The following GPM6A variants were observed in gnomAD, a reference collection of about 807,000 sequenced individuals.
GPM6A encodes the protein neuronal membrane glycoprotein M6-a.
Under a neutral mutation model 32.1 loss-of-function variants are expected in GPM6A, and 7 were observed. That is an observed-to-expected ratio of 0.22 (90% confidence interval 0.12 to 0.41). The LOEUF is 0.41. Among genes scored for constraint, GPM6A ranks in the 10% least tolerant of loss-of-function variants. The probability of loss-of-function intolerance (pLI) is 1.00; values close to 1 mark genes in which losing one functional copy is unlikely to be tolerated. For synonymous variants in GPM6A, 130 were observed against 123.4 expected (o/e 1.05, Z -0.35); for missense variants, 235 against 347.2 (o/e 0.68, Z 2.57).
At chr4:175,637,405 T>C (rs1307304361) in intron 6 of GPM6A, among the ~76,000 whole-genome samples, 1 of 79,960 alleles carries the variant, frequency 1.3e-5, no homozygotes, top group Non-Finnish European at 2.2e-5. Context: ...TATAATATAG[T>C]ATATATATAA....
At chr4:175,722,206 G>C (rs910290376) in intron 1 of GPM6A, among the ~76,000 whole-genome samples, 1 of 151,958 alleles carries the variant, frequency 6.6e-6, no homozygotes, top group African/African-American at 2.4e-5. Flanking sequence ...AGGATCCCTT[G>C]AGCCCAGGTA....
intron 1 of GPM6A, among the ~76,000 whole-genome samples, chr4:175,820,224 C>T (rs1351416329): frequency 6.6e-6 from 1 of 151,484 alleles, no homozygotes; most frequent in African/African-American, 2.4e-5. Context: ...TAAATTAGCT[C>T]TTGAGACCAA....
chr4:175,901,356 A>G (rs1330482492), intron 1 of GPM6A, among the ~76,000 whole-genome samples: 1 of 152,160 alleles, frequency 6.6e-6, no homozygotes, highest in Non-Finnish European at 1.5e-5. Context: ...ATTCTCCATG[A>G]TGTGCTTATT....
At chr4:175,706,191 TAGA>T (rs1156473511) in intron 1 of GPM6A, among the ~76,000 whole-genome samples, 2 of 150,772 alleles carry the variant, frequency 1.3e-5, no homozygotes, top group African/African-American at 4.9e-5. Context: ...TCAAAGAAAA[TAGA>T]AGAAATAGAA....
intron 1 of GPM6A, among the ~76,000 whole-genome samples, chr4:175,888,845 GTAATACGGTAACAT>G (rs1737543859): frequency 6.6e-6 from 1 of 151,966 alleles, no homozygotes; most frequent in Admixed American, 6.5e-5. Flanking sequence ...TCAACATAAA[GTAATACGGTAACAT>G]AAAGATCTAC....
At chr4:175,962,279 A>T in intron 1 of GPM6A, 1 of 1,304,978 alleles carries the variant, frequency 7.7e-7, no homozygotes, top group Non-Finnish European at 1.1e-6. Context: ...CCTTTTCAAC[A>T]CCACAGACAC....
chr4:175,737,115 C>A (rs1731692265), intron 1 of GPM6A, among the ~76,000 whole-genome samples: 2 of 152,184 alleles, frequency 1.3e-5, no homozygotes, highest in African/African-American at 2.4e-5. Flanking sequence ...GGGCACCCAC[C>A]ATTTACAGAA....
chr4:175,845,119 A>T (rs145472038), intron 1 of GPM6A, among the ~76,000 whole-genome samples: 11 of 147,154 alleles, frequency 7.5e-5, no homozygotes, highest in African/African-American at 2.1e-4. Flanking sequence ...AGAGAAACAT[A>T]TTTTTATTTT....
intron 1 of GPM6A, among the ~76,000 whole-genome samples, chr4:175,707,056 C>T (rs141839029): frequency 6.6e-6 from 1 of 152,304 alleles, no homozygotes; most frequent in East Asian, 1.9e-4. Context: ...AAATTGCTCC[C>T]CCCTTTCCCC....
chr4:175,928,163 G>A (rs1174357527), intron 1 of GPM6A, among the ~76,000 whole-genome samples: 1 of 152,176 alleles, frequency 6.6e-6, no homozygotes, highest in Admixed American at 6.5e-5. Flanking sequence ...GTCCGGAAGT[G>A]AGCATTTTTC....
intron 6 of GPM6A, among the ~76,000 whole-genome samples, chr4:175,637,666 A>ATATAT (rs1491121423): frequency 0.023 from 13 of 554 alleles, no homozygotes; most frequent in South Asian, 0.12. Context: ...AAAATATATA[A>ATATAT]TATATATAAT....
At chr4:175,685,186 G>C (rs1255368665) in intron 2 of GPM6A, among the ~76,000 whole-genome samples, 2 of 152,122 alleles carry the variant, frequency 1.3e-5, no homozygotes, top group African/African-American at 4.8e-5. Flanking sequence ...ACCGCGCCTG[G>C]CCTATGTGTG....
At chr4:175,636,278 A>ATATATATG (rs1553967475) in intron 6 of GPM6A, among the ~76,000 whole-genome samples, 4 of 125,786 alleles carry the variant, frequency 3.2e-5, no homozygotes, top group South Asian at 2.4e-4. Context: ...ATATATATAT[A>ATATATATG]TATATATATA....
chr4:175,724,553 A>T (rs566707699), intron 1 of GPM6A, among the ~76,000 whole-genome samples: 102 of 152,064 alleles, frequency 6.7e-4, no homozygotes, highest in African/African-American at 2.1e-3. Context: ...TCAAAAAAAA[A>T]ATTTTTTTTA....
intron 1 of GPM6A, among the ~76,000 whole-genome samples, chr4:175,766,343 A>G (rs1444100853): frequency 1.3e-5 from 2 of 152,196 alleles, no homozygotes; most frequent in Non-Finnish European, 2.9e-5. Context: ...TCTGAAATGC[A>G]GCAGCTCTAA....
intron 1 of GPM6A, among the ~76,000 whole-genome samples, chr4:175,958,407 A>C (rs1198582604): frequency 6.6e-6 from 1 of 152,264 alleles, no homozygotes; most frequent in Admixed American, 6.5e-5. Flanking sequence ...ATTAGGTTAC[A>C]GATGTGCAAA....
In GPM6A at chr4:175,837,302, G is replaced by C. The variant is rs956347089; in HGVS notation, c.-22-25053C>G. ...GCCTACACCCTAATTTTAGCCCAGCGAGACTCCTTTCAGACCTCTGACCAC... is the reference window on the plus strand; with the variant it reads ...GCCTACACCCTAATTTTAGCCCAGCCAGACTCCTTTCAGACCTCTGACCAC... On this transcript the variant is annotated intron_variant, in intron 1 of 7. Coordinates refer to the GPM6A transcript ENST00000280187. Among the ~76,000 whole-genome samples the C allele has an allele frequency of 2.6e-5, 4 of 152,152 alleles. No individual in the cohort carries two copies. The South Asian group carries it at 6.2e-4, about 24-fold the overall frequency.
intron 1 of GPM6A, among the ~76,000 whole-genome samples, chr4:175,991,344 T>C (rs1418553616): frequency 6.6e-6 from 1 of 151,810 alleles, no homozygotes; most frequent in Non-Finnish European, 1.5e-5. Context: ...CCAAAGTACT[T>C]GGATTACAGG....
intron 1 of GPM6A, among the ~76,000 whole-genome samples, chr4:175,786,343 G>A (rs1460409550): frequency 6.7e-6 from 1 of 150,108 alleles, no homozygotes; most frequent in Non-Finnish European, 1.5e-5. Flanking sequence ...TTGGCAGGTA[G>A]CATTTGATCC....
Sources: gnomAD v4.1 joint callset for allele counts (sites outside exome capture counted in the v4.1 genomes callset) on GRCh38, gnomAD v4.1.1 for gene constraint, MANE v1.5 for transcripts, NCBI Gene and HGNC (gene_info 2026-07-23, HGNC 2026-07-21) for gene names.